MCPH1: variants seen among roughly 807,000 people sequenced by gnomAD.
The protein encoded by MCPH1 is microcephalin.
In MCPH1, 104 loss-of-function variants were observed where a neutral mutation model predicts 84.5. The observed-to-expected ratio is 1.23, with a 90% CI of 1.05 to 1.45. The LOEUF (loss-of-function observed/expected upper bound fraction) is 1.45. Ranked by LOEUF, MCPH1 falls within the 40% of genes most tolerant of loss-of-function variation. The pLI is 0.00. For missense variants in MCPH1, 1,498 were observed against 1,005.7 expected (o/e 1.49, Z -6.62); for synonymous variants, 514 against 366.8 (o/e 1.40, Z -4.58).
At chr8:6,506,627 T>A (rs1156640433) in intron 12 of MCPH1, among the ~76,000 whole-genome samples, 1 of 152,118 alleles carries the variant, frequency 6.6e-6, no homozygotes, top group Non-Finnish European at 1.5e-5. Context: ...CTGTTCAGCT[T>A]TAAAAAGGAT....
At position 6,520,408 on chromosome 8, in the gene MCPH1, C is replaced by T. The variant is rs114034332; in HGVS notation, c.2214+20479C>T. ...GTTATCTGTATCATGACCCCATTGC[C>T]TGCCCCTTCAGGCCATTATCCCACT... On this transcript the variant is annotated intron_variant, in intron 12 of 13. Transcript: ENST00000344683. Among the ~76,000 whole-genome samples the T allele has an allele frequency of 3.0e-3, 457 of 152,264 alleles. 1 individual carries two copies. Among genetic ancestry groups the T allele is most frequent in the African/African-American group, 0.011 (444 of 41,556 alleles).
chr8:6,625,242 C>A, intron 13 of MCPH1: 1 of 985,462 alleles, frequency 1.0e-6, no homozygotes, highest in Non-Finnish European at 1.2e-6. Flanking sequence ...CTCCACCTTG[C>A]TTACCCCACA....
intron 11 of MCPH1, among the ~76,000 whole-genome samples, chr8:6,485,591 C>G (rs542487953): frequency 4.7e-5 from 7 of 148,314 alleles, no homozygotes; most frequent in Non-Finnish European, 1.1e-4. Flanking sequence ...GCCCTCTGTG[C>G]TACCTTTTTT....
At chr8:6,585,895 G>C (rs537806519) in intron 12 of MCPH1, among the ~76,000 whole-genome samples, 2 of 152,150 alleles carry the variant, frequency 1.3e-5, no homozygotes, top group African/African-American at 4.8e-5. Flanking sequence ...GCACCTCCTT[G>C]TGTTAACCCA....
chr8:6,484,195 CTT>C (rs1025924242), intron 11 of MCPH1, among the ~76,000 whole-genome samples: 2 of 152,210 alleles, frequency 1.3e-5, no homozygotes, highest in African/African-American at 4.8e-5. Context: ...ATAAAGAACT[CTT>C]AATACTGAAC....
At chr8:6,481,301 G>A (rs1274913616) in intron 11 of MCPH1, among the ~76,000 whole-genome samples, 3 of 152,182 alleles carry the variant, frequency 2.0e-5, no homozygotes, top group Admixed American at 6.5e-5. Flanking sequence ...TAGGATGAAG[G>A]ATGTTCTTTT....
intron 12 of MCPH1, among the ~76,000 whole-genome samples, chr8:6,530,466 A>C (rs1386755972): frequency 6.8e-6 from 1 of 147,292 alleles, no homozygotes; most frequent in African/African-American, 2.5e-5. Context: ...TCGAGATCAC[A>C]CCACTGCACT....
chr8:6,628,657 G>C (rs936050109), intron 13 of MCPH1, among the ~76,000 whole-genome samples: 1 of 152,138 alleles, frequency 6.6e-6, no homozygotes, highest in African/African-American at 2.4e-5. Flanking sequence ...CAAGCATTTT[G>C]GTTGTGGCAG....
At chr8:6,528,343 A>C (rs539842771) in intron 12 of MCPH1, among the ~76,000 whole-genome samples, 1 of 152,338 alleles carries the variant, frequency 6.6e-6, no homozygotes, top group East Asian at 1.9e-4. Context: ...TCATAGGTGG[A>C]AAGTATTTTC....
intron 12 of MCPH1, chr8:6,501,507 T>C (rs1812171131): frequency 6.6e-6 from 1 of 152,084 alleles, no homozygotes; most frequent in Non-Finnish European, 1.5e-5. Flanking sequence ...GTTTATGGTT[T>C]TGTAGTCCCG....
chr8:6,550,617 G>A (rs1248116110), intron 12 of MCPH1, among the ~76,000 whole-genome samples: 1 of 152,180 alleles, frequency 6.6e-6, no homozygotes, highest in Non-Finnish European at 1.5e-5. Flanking sequence ...GGGCGTTGGT[G>A]GTGAAGTCTG....
chr8:6,623,368 C>G (rs1831683845), intron 13 of MCPH1, among the ~76,000 whole-genome samples: 1 of 151,798 alleles, frequency 6.6e-6, no homozygotes, highest in Admixed American at 6.6e-5. Flanking sequence ...CTCTCTCTCT[C>G]TCCTGTTCTC....
intron 12 of MCPH1, among the ~76,000 whole-genome samples, chr8:6,614,278 G>C (rs756265594): frequency 1.3e-5 from 2 of 152,180 alleles, no homozygotes; most frequent in African/African-American, 4.8e-5. Context: ...CAGGACTCAC[G>C]ATGGAAGACG....
chr8:6,477,235 T>G, intron 9 of MCPH1: 1 of 233,204 alleles, frequency 4.3e-6, no homozygotes. Flanking sequence ...GAAAAGTGGC[T>G]GACGAGTCTA....
chr8:6,641,150 T>A (rs996718755), intron 13 of MCPH1, among the ~76,000 whole-genome samples: 1 of 152,248 alleles, frequency 6.6e-6, no homozygotes, highest in Non-Finnish European at 1.5e-5. Context: ...TTTGAAAAGT[T>A]TGAAATTTTT....
At chr8:6,514,528 T>C in intron 12 of MCPH1, 1 of 683,194 alleles carries the variant, frequency 1.5e-6, no homozygotes, top group Non-Finnish European at 2.5e-6. Flanking sequence ...ATATTGGCCA[T>C]TCTTTAAAGG....
intron 12 of MCPH1, among the ~76,000 whole-genome samples, chr8:6,585,341 C>A (rs1239756387): frequency 6.6e-6 from 1 of 152,208 alleles, no homozygotes; most frequent in East Asian, 1.9e-4. Context: ...GAATGAGACA[C>A]TTTGGGTGGA....
chr8:6,445,778 C>T, intron 8 of MCPH1: 5 of 1,314,766 alleles, frequency 3.8e-6, no homozygotes, highest in Middle Eastern at 2.9e-4. Flanking sequence ...TCTATTTCTC[C>T]AAGACTTTTC....
Position 6,646,089 on chromosome 8 carries a change from T to A in MCPH1, c.*3040T>A, listed in dbSNP as rs1798204114. The A allele has an allele frequency of 6.6e-6, 1 of 152,150 alleles. No individual in the cohort carries two copies. The highest frequency in any genetic ancestry group is 1.5e-5 in the Non-Finnish European group (1 of 68,036). The allele number at this position is 152,150 out of a possible 1,614,324, so 9.4% of individuals were successfully genotyped here. A position where few individuals can be genotyped will look rare whatever the true frequency, so the allele number is the denominator to read the frequency against. On this transcript the variant is annotated 3_prime_UTR_variant, in exon 14 of 14. Coordinates refer to ENST00000344683, the MANE Select transcript of MCPH1 (RefSeq NM_024596.5). ...TTTTTTAAGAGCAAAGTTGGAGGAT[T>A]TATAGAACCTGATTCCAAAACTGTC...
Sources: gnomAD v4.1 joint callset for allele counts (sites outside exome capture counted in the v4.1 genomes callset) on GRCh38, gnomAD v4.1.1 for gene constraint, MANE v1.5 for transcripts, NCBI Gene and HGNC (gene_info 2026-07-23, HGNC 2026-07-21) for gene names.